The following MAGI1 variants were observed in gnomAD, a reference collection of about 807,000 sequenced individuals.
MAGI1 encodes membrane-associated guanylate kinase, WW and PDZ domain-containing protein 1.
Under a neutral mutation model 139.9 loss-of-function variants are expected in MAGI1, and 58 were observed. That is an observed-to-expected ratio of 0.41 (90% confidence interval 0.34 to 0.52). The LOEUF is 0.52. Ranked by LOEUF, MAGI1 falls within the 20% of genes least tolerant of loss-of-function variation. The probability of loss-of-function intolerance (pLI) is 0.12; values close to 1 mark genes in which losing one functional copy is unlikely to be tolerated. For synonymous variants in MAGI1, 812 were observed against 737.9 expected (o/e 1.10, Z -1.63); for missense variants, 1,874 against 1,901.6 (o/e 0.99, Z 0.27).
At chr3:65,639,195 C>A (rs1056580404) in intron 1 of MAGI1, among the ~76,000 whole-genome samples, 12 of 152,046 alleles carry the variant, frequency 7.9e-5, no homozygotes, top group Admixed American at 6.6e-4. Flanking sequence ...TGTAAAGGCC[C>A]CTTATATATC....
intron 1 of MAGI1, among the ~76,000 whole-genome samples, chr3:65,786,914 C>A (rs1350005206): frequency 6.6e-6 from 1 of 152,108 alleles, no homozygotes; most frequent in African/African-American, 2.4e-5. Flanking sequence ...CGCGCAAGAC[C>A]CCAAGAATCT....
intron 1 of MAGI1, among the ~76,000 whole-genome samples, chr3:65,622,813 C>T (rs1340474941): frequency 2.0e-5 from 3 of 152,096 alleles, no homozygotes; most frequent in African/African-American, 7.2e-5. Flanking sequence ...GTGATCCGCC[C>T]GCCTCGGCCT....
At chr3:65,790,489 A>G (rs1296069035) in intron 1 of MAGI1, among the ~76,000 whole-genome samples, 1 of 152,204 alleles carries the variant, frequency 6.6e-6, no homozygotes, top group Non-Finnish European at 1.5e-5. Context: ...TTCTCCTTTT[A>G]CTAAAAGCCA....
intron 12 of MAGI1, among the ~76,000 whole-genome samples, chr3:65,408,484 C>G (rs1461021411): frequency 6.6e-6 from 1 of 152,034 alleles, no homozygotes; most frequent in African/African-American, 2.4e-5. Context: ...AAGAGATTAT[C>G]GAGGCAAAGT....
At chr3:66,018,536 G>C (rs1392414093) in intron 1 of MAGI1, among the ~76,000 whole-genome samples, 1 of 152,158 alleles carries the variant, frequency 6.6e-6, no homozygotes, top group Non-Finnish European at 1.5e-5. Context: ...CAGCCGGTAA[G>C]GGCCGGTGAA....
intron 1 of MAGI1, among the ~76,000 whole-genome samples, chr3:65,831,485 T>C (rs2042525447): frequency 1.3e-5 from 2 of 152,156 alleles, no homozygotes; most frequent in Non-Finnish European, 2.9e-5. Context: ...TATAACCACA[T>C]ACACGGTTGA....
chr3:65,964,782 T>C (rs2064653780), intron 1 of MAGI1, among the ~76,000 whole-genome samples: 1 of 152,172 alleles, frequency 6.6e-6, no homozygotes, highest in Admixed American at 6.5e-5. Context: ...ATATCCTAGG[T>C]TCACTTTCAG....
At chr3:65,561,409 C>G (rs72902234) in intron 2 of MAGI1, among the ~76,000 whole-genome samples, 23,339 of 151,994 alleles carry the variant, frequency 0.15, 1,885 homozygotes, top group Middle Eastern at 0.2. Flanking sequence ...AAGGCTTGAG[C>G]CTTAAGGAAC....
intron 2 of MAGI1, among the ~76,000 whole-genome samples, chr3:65,611,420 T>TGTATACTGTATATACAGTATATATA (rs1420230577): frequency 6.9e-6 from 1 of 144,608 alleles, no homozygotes; most frequent in Non-Finnish European, 1.5e-5. Flanking sequence ...ATAGTATGTA[T>TGTATACTGTATATACAGTATATATA]GTATACTGTA....
At chr3:65,454,584 A>G (rs965758673) in intron 5 of MAGI1, among the ~76,000 whole-genome samples, 1 of 149,842 alleles carries the variant, frequency 6.7e-6, no homozygotes, top group African/African-American at 2.5e-5. Flanking sequence ...CAAAAAAAAA[A>G]GAAGTTTTTT....
chr3:65,559,730 C>A (rs1576319345), intron 2 of MAGI1, among the ~76,000 whole-genome samples: 5 of 152,278 alleles, frequency 3.3e-5, no homozygotes, highest in Admixed American at 2.6e-4. Flanking sequence ...TCATGGGTGA[C>A]AAACCAGGAT....
intron 2 of MAGI1, among the ~76,000 whole-genome samples, chr3:65,548,097 T>G (rs1218942646): frequency 2.6e-5 from 4 of 152,180 alleles, no homozygotes; most frequent in Non-Finnish European, 2.9e-5. Flanking sequence ...CTCTGCAGAC[T>G]GGAACCCATT....
At chr3:65,509,448 G>A (rs944956694) in intron 2 of MAGI1, among the ~76,000 whole-genome samples, 1 of 152,162 alleles carries the variant, frequency 6.6e-6, no homozygotes, top group Non-Finnish European at 1.5e-5. Flanking sequence ...GTGGGTGCGC[G>A]TACCGTGCGC....
chr3:65,908,687 A>G (rs1466595168), intron 1 of MAGI1, among the ~76,000 whole-genome samples: 1 of 152,172 alleles, frequency 6.6e-6, no homozygotes, highest in Non-Finnish European at 1.5e-5. Flanking sequence ...AGCTACGTAA[A>G]AACTAGTATC....
chr3:65,385,110 A>G (rs1189126215), intron 14 of MAGI1, among the ~76,000 whole-genome samples: 1 of 152,058 alleles, frequency 6.6e-6, no homozygotes, highest in African/African-American at 2.4e-5. Flanking sequence ...TTTTCCAGTA[A>G]CCTGATATTT....
intron 13 of MAGI1, among the ~76,000 whole-genome samples, chr3:65,396,468 G>A (rs1288173935): frequency 6.6e-6 from 1 of 152,120 alleles, no homozygotes; most frequent in Non-Finnish European, 1.5e-5. Context: ...AGGGAAATTG[G>A]GAAGACATAA....
intron 1 of MAGI1, among the ~76,000 whole-genome samples, chr3:66,024,974 G>C (rs986158671): frequency 6.6e-6 from 1 of 151,976 alleles, no homozygotes; most frequent in Non-Finnish European, 1.5e-5. Context: ...TCTCTGGGGG[G>C]GTAAAATGAT....
intron 1 of MAGI1, among the ~76,000 whole-genome samples, chr3:65,817,963 T>C (rs888311366): frequency 9.9e-5 from 15 of 152,112 alleles, no homozygotes; most frequent in African/African-American, 2.7e-4. Context: ...GGTAACTAAT[T>C]GTTCCATTCT....
chr3:65,780,684 C>G (rs1360451108), intron 1 of MAGI1, among the ~76,000 whole-genome samples: 1 of 152,074 alleles, frequency 6.6e-6, no homozygotes, highest in East Asian at 1.9e-4. Context: ...GATGAATAAG[C>G]CCCCTATACA....
Sources: allele counts gnomAD v4.1 joint callset (sites outside exome capture counted in the v4.1 genomes callset), GRCh38; gene constraint gnomAD v4.1.1; transcripts MANE v1.5; gene names NCBI Gene and HGNC (gene_info 2026-07-23, HGNC 2026-07-21).